Variants in FRAS1 observed in about 807,000 individuals in gnomAD.
FRAS1 encodes Fraser extracellular matrix complex subunit 1, also known as extracellular matrix organizing protein FRAS1.
Under a neutral mutation model 435.2 loss-of-function variants are expected in FRAS1, and 290 were observed. That is an observed-to-expected ratio of 0.67 (90% CI 0.61 to 0.73). FRAS1 has a LOEUF of 0.73. Among genes scored for constraint, FRAS1 ranks in the 30% least tolerant of loss-of-function variants. The pLI is 0.00. For synonymous variants in FRAS1, 1,800 were observed against 1,851.0 expected, an observed-to-expected ratio of 0.97 and a Z score of 0.71; for missense variants, 4,860 against 5,001.5, an observed-to-expected ratio of 0.97 and a Z score of 0.85.
At chr4:78,063,285 A>G (rs1739841474) in intron 1 of FRAS1, among the ~76,000 whole-genome samples, 1 of 152,132 alleles carries the variant, frequency 6.6e-6, no homozygotes, top group Non-Finnish European at 1.5e-5. Flanking sequence ...TGAGAGAAAT[A>G]TGCTTCCTTT....
intron 2 of FRAS1, among the ~76,000 whole-genome samples, chr4:78,118,157 C>T (rs529398862): frequency 2.6e-5 from 4 of 152,332 alleles, no homozygotes; most frequent in Admixed American, 2.6e-4. Flanking sequence ...TATTGGTGAA[C>T]AGCAAATGTT....
intron 17 of FRAS1, among the ~76,000 whole-genome samples, chr4:78,318,348 T>A (rs1385076699): frequency 1.3e-5 from 2 of 152,204 alleles, no homozygotes; most frequent in Non-Finnish European, 2.9e-5. Context: ...GAGGAATTTG[T>A]TGCCTGGACC....
chr4:78,199,686 G>A (rs1722967290), intron 2 of FRAS1, among the ~76,000 whole-genome samples: 1 of 152,262 alleles, frequency 6.6e-6, no homozygotes, highest in Admixed American at 6.5e-5. Flanking sequence ...GACTGGCATG[G>A]TGTCCAGACT....
chr4:78,252,266 C>G, intron 4 of FRAS1, 126 bp from the exon 5 acceptor site: 1 of 925,140 alleles, frequency 1.1e-6, no homozygotes, highest in East Asian at 2.6e-5. Context: ...AAGCTCATAG[C>G]TTTATTCCAC....
At position 78,540,721 on chromosome 4, in the gene FRAS1, A is replaced by G; in HGVS notation, c.11636A>G (p.Asn3879Ser). Residue 3879 changes from asparagine to serine, a missense_variant, in exon 74 of 74, where the codon AAT becomes AGT. Physicochemically the swap from Asn to Ser is conservative, Grantham distance 46. Coordinates refer to ENST00000512123, the MANE Select transcript of FRAS1 (RefSeq NM_025074.7). ...GACAATGAAGGAGACCAAGTCAAGA[A>G]TGGCACCAATATGAAGTCCCTGAAT... ...IYDNEGDQVKNGTNMKSLNLE... is the reference protein window; with the variant it reads ...IYDNEGDQVKSGTNMKSLNLE... The G allele has an allele frequency of 6.2e-7, 1 of 1,613,874 alleles. No individual in the cohort carries two copies.
intron 70 of FRAS1, among the ~76,000 whole-genome samples, chr4:78,530,200 G>A (rs1721669484): frequency 6.6e-6 from 1 of 151,896 alleles, no homozygotes; most frequent in Non-Finnish European, 1.5e-5. Context: ...TCCAGGGTAG[G>A]TTCTGGATTT....
At chr4:78,173,706 G>A (rs1721648575) in intron 2 of FRAS1, among the ~76,000 whole-genome samples, 1 of 152,164 alleles carries the variant, frequency 6.6e-6, no homozygotes, top group African/African-American at 2.4e-5. Flanking sequence ...CATAAAGTTG[G>A]GGTTGTGTTT....
chr4:78,245,171 G>A (rs1382919444), intron 3 of FRAS1, 62 bp from the exon 4 acceptor site: 1 of 1,120,706 alleles, frequency 8.9e-7, no homozygotes, highest in African/African-American at 1.5e-5. Flanking sequence ...AGGGTCTGAT[G>A]AACTATTGTG....
intron 15 of FRAS1, among the ~76,000 whole-genome samples, chr4:78,308,425 C>T (rs957067728): frequency 2.0e-5 from 3 of 152,220 alleles, no homozygotes; most frequent in Admixed American, 1.3e-4. Flanking sequence ...TTGGGGTGCT[C>T]ATTCTAGCCT....
At chr4:78,367,408 CAA>C (rs11299648) in intron 22 of FRAS1, among the ~76,000 whole-genome samples, 18,184 of 121,988 alleles carry the variant, frequency 0.15, 1,265 homozygotes, top group East Asian at 0.36. Flanking sequence ...AGAACTGTCT[CAA>C]AAAAAAAAAA....
intron 2 of FRAS1, among the ~76,000 whole-genome samples, chr4:78,083,249 T>A (rs1244049078): frequency 2.0e-5 from 3 of 152,126 alleles, no homozygotes; most frequent in Non-Finnish European, 4.4e-5. Flanking sequence ...GGCTTGTGAC[T>A]GGTTGAGGCA....
chr4:78,065,628 A>G (rs1317561115), intron 1 of FRAS1, among the ~76,000 whole-genome samples: 1 of 152,206 alleles, frequency 6.6e-6, no homozygotes. Flanking sequence ...TAGTGTAAGC[A>G]AACAGTGGCA....
chr4:78,146,810 G>T (rs975306445), intron 2 of FRAS1, among the ~76,000 whole-genome samples: 2 of 151,960 alleles, frequency 1.3e-5, no homozygotes, highest in Non-Finnish European at 2.9e-5. Context: ...GTATCACATT[G>T]TACATTATAA....
At chr4:78,253,885 GTC>G (rs1725665047) in intron 5 of FRAS1, among the ~76,000 whole-genome samples, 1 of 74,144 alleles carries the variant, frequency 1.3e-5, no homozygotes, top group Admixed American at 1.7e-4. Context: ...TCAGTTCTCT[GTC>G]TGTGTAGTAT....
chr4:78,329,661 T>C (rs1189988980), intron 18 of FRAS1, among the ~76,000 whole-genome samples: 1 of 152,268 alleles, frequency 6.6e-6, no homozygotes, highest in Non-Finnish European at 1.5e-5. Context: ...GCAGTGCTAT[T>C]GGAATACTTC....
At chr4:78,241,338 G>T (rs1724995983) in intron 3 of FRAS1, among the ~76,000 whole-genome samples, 1 of 152,154 alleles carries the variant, frequency 6.6e-6, no homozygotes, top group Non-Finnish European at 1.5e-5. Flanking sequence ...TTAGCTCCTT[G>T]AGAGCAGGAA....
rs771543280 is a variant in FRAS1 at position 78,237,660 on chromosome 4, G to A, written c.216+43G>A. ...TGTCCTAAATGTATTGGTAAAGTCA[G>A]TGAAGGGTCAGGTTTTTGGATCATT... On this transcript the variant is annotated intron_variant, in intron 3 of 73. Transcript: ENST00000512123. The A allele has an allele frequency of 5.3e-6, 6 of 1,127,670 alleles. No homozygotes were observed. The African/African-American group carries it at 9.4e-5, about 18-fold the overall frequency. The allele number at this position is 1,127,670 out of a possible 1,614,324, so 69.9% of individuals were successfully genotyped here. A position where few individuals can be genotyped will look rare whatever the true frequency, so the allele number is the denominator to read the frequency against.
intron 30 of FRAS1, among the ~76,000 whole-genome samples, chr4:78,402,197 T>A (rs900028754): frequency 6.6e-6 from 1 of 152,082 alleles, no homozygotes; most frequent in Admixed American, 6.5e-5. Context: ...ATTGATCATG[T>A]GAAAATGAAA....
intron 9 of FRAS1, among the ~76,000 whole-genome samples, chr4:78,275,506 C>A (rs997788451): frequency 2.0e-5 from 3 of 152,140 alleles, no homozygotes; most frequent in Non-Finnish European, 4.4e-5. Flanking sequence ...TTAGGGCAGG[C>A]CTGGTGGTGA....
Sources: allele counts gnomAD v4.1 joint callset (sites outside exome capture counted in the v4.1 genomes callset), GRCh38; gene constraint gnomAD v4.1.1; transcripts MANE v1.5; gene names NCBI Gene and HGNC (gene_info 2026-07-23, HGNC 2026-07-21).